Variants in GRB14 observed in about 807,000 individuals in gnomAD.
GRB14 encodes growth factor receptor bound protein 14.
GRB14 carries 38 observed loss-of-function variants against 69.1 expected under a neutral mutation model. The ratio of observed to expected loss-of-function variants is 0.55; its 90% confidence interval spans 0.42 to 0.72. The LOEUF (loss-of-function observed/expected upper bound fraction) is 0.72, where lower values mean the gene tolerates loss of function less well. Among genes scored for constraint, GRB14 ranks in the 30% least tolerant of loss-of-function variants. GRB14 has a pLI of 0.00. For missense variants in GRB14, 666 were observed against 666.1 expected (o/e 1.00, Z 0.00); for synonymous variants, 247 against 241.3 (o/e 1.02, Z -0.22).
chr2:164,593,711 A>G (rs1689719948), intron 2 of GRB14, among the ~76,000 whole-genome samples: 1 of 152,150 alleles, frequency 6.6e-6, no homozygotes, highest in Non-Finnish European at 1.5e-5. Context: ...TGGCAGCCCT[A>G]GAGAGCAACG....
intron 2 of GRB14, among the ~76,000 whole-genome samples, chr2:164,612,319 G>T (rs560460452): frequency 6.6e-6 from 1 of 152,332 alleles, no homozygotes; most frequent in South Asian, 2.1e-4. Context: ...GCATTTGTAA[G>T]CTGGTTAAGA....
intron 3 of GRB14, among the ~76,000 whole-genome samples, chr2:164,530,127 GT>G (rs1353026055): frequency 6.6e-6 from 1 of 152,152 alleles, no homozygotes; most frequent in Non-Finnish European, 1.5e-5. Flanking sequence ...TAGGAAAGGG[GT>G]TTATTTGGCT....
chr2:164,573,706 A>C lies in GRB14; in HGVS notation c.325-25890T>G, dbSNP rs531963983. On this transcript the variant is annotated intron_variant, in intron 2 of 13. Coordinates refer to ENST00000263915, the MANE Select transcript of GRB14 (RefSeq NM_004490.3). ...TGAGTTGCCCAGTTAGGAGCCTCTG[A>C]CCTGCTATTCTAATTAAGTTTCTTC... The C allele has an allele frequency of 2.5e-6, 4 of 1,601,526 alleles. No homozygotes were observed. The Admixed American group carries it at 6.7e-5, about 27-fold the overall frequency.
At chr2:164,558,324 T>C (rs1688732142) in intron 2 of GRB14, among the ~76,000 whole-genome samples, 1 of 152,170 alleles carries the variant, frequency 6.6e-6, no homozygotes, top group Non-Finnish European at 1.5e-5. Flanking sequence ...GGCTCTGTTA[T>C]GTGGCAGAAA....
At chr2:164,520,043 C>A (rs547275542) in intron 6 of GRB14, among the ~76,000 whole-genome samples, 2 of 152,096 alleles carry the variant, frequency 1.3e-5, no homozygotes, top group Admixed American at 1.3e-4. Context: ...CAAAAAAGAG[C>A]CTGCATAACC....
At chr2:164,556,592 G>C (rs1280761340) in intron 2 of GRB14, among the ~76,000 whole-genome samples, 7 of 151,928 alleles carry the variant, frequency 4.6e-5, no homozygotes, top group Non-Finnish European at 7.4e-5. Flanking sequence ...TCTCAACACA[G>C]GGCCCTTGCA....
At chr2:164,547,362 A>T (rs950719991) in intron 3 of GRB14, among the ~76,000 whole-genome samples, 3 of 152,188 alleles carry the variant, frequency 2.0e-5, no homozygotes, top group Non-Finnish European at 4.4e-5. Context: ...ATGAGATTGA[A>T]TTTTTTAAAA....
At chr2:164,530,210 G>A (rs547173963) in intron 3 of GRB14, among the ~76,000 whole-genome samples, 95 of 152,246 alleles carry the variant, frequency 6.2e-4, no homozygotes, top group Middle Eastern at 6.8e-3. Flanking sequence ...AATCATGCAG[G>A]AAGGTAAAGG....
chr2:164,566,083 C>T (rs7564873), intron 2 of GRB14, among the ~76,000 whole-genome samples: 27 of 152,164 alleles, frequency 1.8e-4, no homozygotes, highest in African/African-American at 6.0e-4. Flanking sequence ...AACTTTACAC[C>T]AAACCTGTGG....
intron 2 of GRB14, among the ~76,000 whole-genome samples, chr2:164,596,408 C>T (rs945051042): frequency 6.6e-6 from 1 of 152,186 alleles, no homozygotes; most frequent in Non-Finnish European, 1.5e-5. Context: ...TGAACCCTAA[C>T]ATGAGAAACA....
chr2:164,561,090 G>GC (rs1389387905), intron 2 of GRB14, among the ~76,000 whole-genome samples: 3 of 152,064 alleles, frequency 2.0e-5, no homozygotes, highest in Non-Finnish European at 2.9e-5. Flanking sequence ...CCGTTCATTA[G>GC]CCCAGCTATT....
chr2:164,493,409 C>CTAAT (rs1686810920), intron 13 of GRB14, among the ~76,000 whole-genome samples: 2 of 150,294 alleles, frequency 1.3e-5, no homozygotes, highest in South Asian at 4.3e-4. Context: ...TCATCTAGTT[C>CTAAT]TAATTCTCCC....
chr2:164,541,267 G>A (rs764133332), intron 3 of GRB14, among the ~76,000 whole-genome samples: 5 of 151,932 alleles, frequency 3.3e-5, no homozygotes, highest in Admixed American at 2.0e-4. Flanking sequence ...TCAGGAGTTC[G>A]AGACCAGCCT....
chr2:164,522,244 T>C (rs1687653978), intron 5 of GRB14, 127 bp from the exon 6 acceptor site: 2 of 624,418 alleles, frequency 3.2e-6, no homozygotes, highest in Admixed American at 2.9e-5. Flanking sequence ...TATAACATTA[T>C]GGTAATTAAC....
chr2:164,596,142 C>G (rs774683082), intron 2 of GRB14, among the ~76,000 whole-genome samples: 1 of 152,038 alleles, frequency 6.6e-6, no homozygotes, highest in Non-Finnish European at 1.5e-5. Context: ...GATAGAAACA[C>G]AGACTGAATT....
chr2:164,582,731 T>C (rs1689445576), intron 2 of GRB14, among the ~76,000 whole-genome samples: 1 of 152,160 alleles, frequency 6.6e-6, no homozygotes, highest in Non-Finnish European at 1.5e-5. Context: ...TTTTCAGCTC[T>C]TACAGTTCAC....
intron 4 of GRB14, among the ~76,000 whole-genome samples, chr2:164,525,404 G>T (rs914090696): frequency 6.6e-6 from 1 of 152,026 alleles, no homozygotes; most frequent in Non-Finnish European, 1.5e-5. Context: ...AGCCTATCAG[G>T]TCAAAAGGAC....
chr2:164,519,235 G>A (rs1356069240), intron 6 of GRB14, among the ~76,000 whole-genome samples: 2 of 152,084 alleles, frequency 1.3e-5, no homozygotes, highest in African/African-American at 2.4e-5. Context: ...GTCAATAAAT[G>A]TGATACAACA....
At chr2:164,514,033 G>C (rs1291856110) in intron 6 of GRB14, among the ~76,000 whole-genome samples, 2 of 152,182 alleles carry the variant, frequency 1.3e-5, no homozygotes, top group Non-Finnish European at 2.9e-5. Context: ...ATAAACTTCT[G>C]CACATGTGTA....
Sources: gnomAD v4.1 joint callset for allele counts (sites outside exome capture counted in the v4.1 genomes callset) on GRCh38, gnomAD v4.1.1 for gene constraint, MANE v1.5 for transcripts, NCBI Gene and HGNC (gene_info 2026-07-23, HGNC 2026-07-21) for gene names.